The following SLC35G2 variants were observed in gnomAD, a reference collection of about 807,000 sequenced individuals.
The protein encoded by SLC35G2 is solute carrier family 35 member G2, also known as transmembrane protein 22.
In SLC35G2, 20 loss-of-function variants were observed where a neutral mutation model predicts 27.2. The observed-to-expected ratio is 0.74, with a 90% CI of 0.52 to 1.07. SLC35G2 has a LOEUF of 1.07. SLC35G2 is among the 50% of genes least tolerant of loss of function. The probability of loss-of-function intolerance (pLI) is 0.00; values close to 1 mark genes in which losing one functional copy is unlikely to be tolerated. For missense variants in SLC35G2, 416 were observed against 493.3 expected (o/e 0.84, Z 1.48); for synonymous variants, 148 against 165.3 (o/e 0.90, Z 0.80).
chr3:136,824,884 T>G (rs1486922868), intron 1 of SLC35G2, among the ~76,000 whole-genome samples: 1 of 152,178 alleles, frequency 6.6e-6, no homozygotes, highest in East Asian at 1.9e-4. Flanking sequence ...TTTCTCCTAA[T>G]GTTATCCCTA....
intron 1 of SLC35G2, among the ~76,000 whole-genome samples, chr3:136,840,923 CTTTTTTT>C (rs71626030): frequency 8.2e-6 from 1 of 121,526 alleles, no homozygotes; most frequent in African/African-American, 3.1e-5. Context: ...GTGCCTGGCC[CTTTTTTT>C]TTTTTTTTTT....
intron 1 of SLC35G2, among the ~76,000 whole-genome samples, chr3:136,845,439 G>A (rs1425861905): frequency 6.6e-6 from 1 of 152,110 alleles, no homozygotes; most frequent in East Asian, 1.9e-4. Flanking sequence ...GCATGCACTG[G>A]GAAACTAGCA....
At chr3:136,830,111 T>C (rs1278357036) in intron 1 of SLC35G2, among the ~76,000 whole-genome samples, 4 of 138,126 alleles carry the variant, frequency 2.9e-5, no homozygotes, top group East Asian at 2.1e-4. Flanking sequence ...TTTCTTTTTT[T>C]TTTTTTTTTT....
chr3:136,847,690 C>T (rs775500733), intron 1 of SLC35G2, among the ~76,000 whole-genome samples: 4 of 152,048 alleles, frequency 2.6e-5, no homozygotes, highest in Non-Finnish European at 4.4e-5. Context: ...CAGCTGGGGC[C>T]GGGAGCAGTG....
At chr3:136,843,347 A>AAAG in intron 1 of SLC35G2, 1 of 151,330 alleles carries the variant, frequency 6.6e-6, no homozygotes, top group Non-Finnish European at 1.5e-5. Context: ...AAAAAAAAAA[A>AAAG]AAAATCAGGG....
At chr3:136,851,708 G>A (rs997789931) in intron 1 of SLC35G2, among the ~76,000 whole-genome samples, 1 of 152,110 alleles carries the variant, frequency 6.6e-6, no homozygotes, top group African/African-American at 2.4e-5. Context: ...CAGAGGAGTT[G>A]AAATTTGATA....
intron 1 of SLC35G2, among the ~76,000 whole-genome samples, chr3:136,834,394 C>T (rs980201959): frequency 5.3e-5 from 8 of 152,050 alleles, no homozygotes; most frequent in African/African-American, 9.7e-5. Context: ...AGTGCAGTGG[C>T]GTGATTTTGG....
chr3:136,826,978 T>TTTC lies in SLC35G2; in HGVS notation c.-19+7352_-19+7353insCTT, dbSNP rs1251313243. On this transcript the variant is annotated intron_variant, in intron 1 of 1. Coordinates refer to ENST00000446465, the MANE Select transcript of SLC35G2 (RefSeq NM_025246.3). ...TGGATCTTCTCTCTTTTTTCTTTTT[T>TTTC]TTTTTTTTAGTATTTATTGATCATT... 9.9e-5 allele frequency among the ~76,000 whole-genome samples: 15 copies of TTTC among 151,608 alleles called. No homozygotes were observed. In the South Asian group the frequency reaches 2.7e-3, roughly 27 times the overall value.
rs564732566 is a variant in SLC35G2, at chr3:136,855,576, C to G, written c.1116C>G (p.Ile372Met). Residue 372 changes from isoleucine to methionine, a missense_variant, in exon 2 of 2, where the codon ATC (isoleucine) becomes ATG (methionine). Physicochemically the swap from Ile to Met is conservative, Grantham distance 10. Coordinates refer to ENST00000446465, the MANE Select transcript of SLC35G2 (RefSeq NM_025246.3). The part of the protein sequence containing the change: ...QLLVLHIFPS[I>M]YDVFGGVIIM... ...TCGTGCTGCACATATTTCCTAGCAT[C>G]TATGATGTTTTTGGAGGGGTAATCA... The G allele has an allele frequency of 6.2e-7, 1 of 1,614,044 alleles. No individual in the cohort carries two copies. Among genetic ancestry groups the G allele is most frequent in the South Asian group, 1.1e-5 (1 of 91,074 alleles).
At chr3:136,824,996 T>C (rs1419480841) in intron 1 of SLC35G2, among the ~76,000 whole-genome samples, 2 of 152,138 alleles carry the variant, frequency 1.3e-5, no homozygotes, top group Admixed American at 6.6e-5. Flanking sequence ...AGTGAAAACA[T>C]GCGGTGTTTG....
intron 1 of SLC35G2, among the ~76,000 whole-genome samples, chr3:136,821,759 A>G (rs1000927173): frequency 1.3e-5 from 2 of 152,336 alleles, no homozygotes; most frequent in Non-Finnish European, 2.9e-5. Context: ...TTTTACGTGT[A>G]TAATACATTA....
At chr3:136,842,444 G>C (rs1937138917) in intron 1 of SLC35G2, 1 of 152,174 alleles carries the variant, frequency 6.6e-6, no homozygotes, top group Non-Finnish European at 1.5e-5. Flanking sequence ...GGTGAATCCT[G>C]GCCAGGCCTT....
chr3:136,830,519 A>G (rs944237019), intron 1 of SLC35G2, among the ~76,000 whole-genome samples: 7 of 152,068 alleles, frequency 4.6e-5, no homozygotes, highest in South Asian at 2.1e-4. Context: ...TCCTGACCTC[A>G]TGATCTGCCT....
At chr3:136,850,294 G>A (rs535479863) in intron 1 of SLC35G2, among the ~76,000 whole-genome samples, 2 of 152,192 alleles carry the variant, frequency 1.3e-5, no homozygotes, top group South Asian at 2.1e-4. Context: ...CACATCGGTC[G>A]ACTTACCCTC....
intron 1 of SLC35G2, chr3:136,841,975 GTAA>G (rs1937118639): frequency 6.6e-6 from 1 of 151,990 alleles, no homozygotes; most frequent in African/African-American, 2.4e-5. Context: ...TAAACAAAAA[GTAA>G]TAAGCAATCA....
At chr3:136,849,684 G>A (rs1215102941) in intron 1 of SLC35G2, among the ~76,000 whole-genome samples, 1 of 151,426 alleles carries the variant, frequency 6.6e-6, no homozygotes, top group Non-Finnish European at 1.5e-5. Context: ...GTAGAGACGA[G>A]GTTTTACCAT....
At chr3:136,847,589 G>T (rs1216242219) in intron 1 of SLC35G2, among the ~76,000 whole-genome samples, 1 of 147,700 alleles carries the variant, frequency 6.8e-6, no homozygotes, top group Non-Finnish European at 1.5e-5. Flanking sequence ...ATCTCAAAAA[G>T]AAAAAAAAAA....
intron 1 of SLC35G2, among the ~76,000 whole-genome samples, chr3:136,849,651 C>A (rs994349479): frequency 1.1e-4 from 17 of 151,758 alleles, no homozygotes; most frequent in African/African-American, 4.1e-4. Flanking sequence ...GCCACCACTC[C>A]CAACTAATTT....
chr3:136,854,411 A>G (rs777536571), intron 1 of SLC35G2, 32 bp from the exon 2 acceptor site: 3 of 1,362,084 alleles, frequency 2.2e-6, no homozygotes, highest in East Asian at 4.7e-5. Context: ...AATGAAATGA[A>G]TGTCTTTTTG....
Sources: gnomAD v4.1 joint callset for allele counts (sites outside exome capture counted in the v4.1 genomes callset) on GRCh38, gnomAD v4.1.1 for gene constraint, MANE v1.5 for transcripts, NCBI Gene and HGNC (gene_info 2026-07-23, HGNC 2026-07-21) for gene names.